PCSK5: variants seen among roughly 807,000 people sequenced by gnomAD.
The protein encoded by PCSK5 is proprotein convertase subtilisin/kexin type 5, also known as prohormone convertase 5.
PCSK5 carries 129 observed loss-of-function variants against 233.2 expected under a neutral mutation model. The observed-to-expected ratio is 0.55, with a 90% confidence interval of 0.48 to 0.64. The LOEUF (loss-of-function observed/expected upper bound fraction) is 0.64, where lower values mean the gene tolerates loss of function less well. Ranked by LOEUF, PCSK5 falls within the 30% of genes least tolerant of loss-of-function variation. The pLI, the probability that PCSK5 is intolerant of heterozygous loss-of-function variation, is 0.00. For synonymous variants in PCSK5, 825 were observed against 879.2 expected (o/e 0.94, Z 1.09); for missense variants, 2,076 against 2,430.1 (o/e 0.85, Z 3.06).
At chr9:76,290,327 C>T (rs189086189) in intron 24 of PCSK5, among the ~76,000 whole-genome samples, 77 of 152,300 alleles carry the variant, frequency 5.1e-4, no homozygotes, top group African/African-American at 1.8e-3. Flanking sequence ...TGCCAGGGAG[C>T]TTTTCTTTCC....
chr9:76,155,681 CAAAT>C (rs1211718682), intron 10 of PCSK5, among the ~76,000 whole-genome samples: 1 of 152,102 alleles, frequency 6.6e-6, no homozygotes. Flanking sequence ...GATGGATTGA[CAAAT>C]TAATTAGTTA....
chr9:76,050,712 C>G (rs1157463932), intron 5 of PCSK5, among the ~76,000 whole-genome samples: 1 of 152,182 alleles, frequency 6.6e-6, no homozygotes, highest in Non-Finnish European at 1.5e-5. Context: ...ATAAGTCTTG[C>G]AATGCCCCTG....
Position 76,351,649 on chromosome 9 carries a change from AAG to A in PCSK5, c.5067+731_5067+732del, listed in dbSNP as rs1258175602. Among the ~76,000 whole-genome samples, 97 of 97,360 alleles carry A rather than the reference AAG, an allele frequency of 1.0e-3. 1 individual carries two copies. The highest frequency in any genetic ancestry group is 2.0e-3 in the Non-Finnish European group (81 of 41,238). The allele number at this position is 97,360 out of a possible 152,430, so 63.9% of individuals were successfully genotyped here. A position where few individuals can be genotyped will look rare whatever the true frequency, so the allele number is the denominator to read the frequency against. ...AAGAAAGAGAGAGAAAGAAGAAAGA[AAG>A]AGAGAGAGAAAGAAAGAAAGAAAGA... On this transcript the variant is annotated intron_variant, in intron 36 of 37. Transcript: ENST00000674117.
chr9:75,948,084 C>A (rs971219894), intron 2 of PCSK5, among the ~76,000 whole-genome samples: 16 of 152,030 alleles, frequency 1.1e-4, no homozygotes, highest in African/African-American at 3.9e-4. Context: ...GGTCCTGAAG[C>A]AATCCTCCTG....
Position 75,937,653 on chromosome 9 carries a change from T to A in PCSK5, c.297+5170T>A, listed in dbSNP as rs1297665685. Among the ~76,000 whole-genome samples the A allele has an allele frequency of 2.6e-5, 4 of 152,392 alleles. No homozygotes were observed. The East Asian group carries it at 5.8e-4, about 22-fold the overall frequency. On this transcript the variant is annotated intron_variant, in intron 2 of 37. Coordinates refer to ENST00000674117, the MANE Select transcript of PCSK5 (RefSeq NM_001372043.1). Reference sequence around the variant, plus strand: ...TAGTGTGAAAGTCATAGGTGGCATCTTCTTTCAACAGAAGGCTGTTTTATT... The same window carrying A: ...TAGTGTGAAAGTCATAGGTGGCATCATCTTTCAACAGAAGGCTGTTTTATT...
chr9:76,220,355 TG>T (rs1188541672), intron 20 of PCSK5, among the ~76,000 whole-genome samples: 4 of 151,764 alleles, frequency 2.6e-5, no homozygotes, highest in African/African-American at 9.7e-5. Flanking sequence ...GGTGAAACCC[TG>T]TCTCTACTAA....
At chr9:76,259,098 G>A (rs1827077007) in intron 24 of PCSK5, among the ~76,000 whole-genome samples, 1 of 152,192 alleles carries the variant, frequency 6.6e-6, no homozygotes, top group Non-Finnish European at 1.5e-5. Context: ...CTTTCCTTGG[G>A]AATTCTATAA....
intron 4 of PCSK5, among the ~76,000 whole-genome samples, chr9:76,025,033 G>A (rs553081684): frequency 1.3e-5 from 2 of 152,200 alleles, no homozygotes; most frequent in Admixed American, 6.5e-5. Flanking sequence ...AAGCCTTCGT[G>A]CTCCAAAGGA....
intron 1 of PCSK5, among the ~76,000 whole-genome samples, chr9:75,915,147 A>G (rs749902939): frequency 6.6e-6 from 1 of 152,192 alleles, no homozygotes; most frequent in Non-Finnish European, 1.5e-5. Context: ...TGACTTTTCC[A>G]AGTAGGAATC....
At chr9:76,145,962 G>C (rs1194871533) in intron 10 of PCSK5, among the ~76,000 whole-genome samples, 6 of 152,130 alleles carry the variant, frequency 3.9e-5, no homozygotes, top group African/African-American at 1.4e-4. Context: ...GCACTATAAA[G>C]TGAGACTCCA....
chr9:75,976,274 CCACACACACACACACACACACA>C (rs10562995), intron 2 of PCSK5, among the ~76,000 whole-genome samples: 2,096 of 141,550 alleles, frequency 0.015, 26 homozygotes, highest in Non-Finnish European at 0.02. Context: ...CACACAGACA[CCACACACACACACACACACACA>C]CACACACACA....
In PCSK5 at chr9:76,107,366, C is replaced by T. The variant is rs200573146; in HGVS notation, c.1208+15C>T. 65 of 1,564,584 alleles carry T rather than the reference C, an allele frequency of 4.2e-5. No individual in the cohort carries two copies. In the Middle Eastern group the frequency reaches 8.4e-4, roughly 20 times the overall value. On this transcript the variant is annotated intron_variant, in intron 9 of 37. Coordinates refer to ENST00000674117, the MANE Select transcript of PCSK5 (RefSeq NM_001372043.1). ...CTGGAAGCCAAGTAAGCCTTGATCT[C>T]TATATGTCTTCAATGGTGACAACCC...
At chr9:75,950,142 T>TGGGGGGG (rs1563932278) in intron 2 of PCSK5, among the ~76,000 whole-genome samples, 3 of 98,340 alleles carry the variant, frequency 3.1e-5, no homozygotes, top group East Asian at 4.4e-4. Flanking sequence ...TGTGTGTGTG[T>TGGGGGGG]GTGGGGGGGG....
chr9:76,079,890 A>G (rs1051007303), intron 7 of PCSK5, among the ~76,000 whole-genome samples: 1 of 152,122 alleles, frequency 6.6e-6, no homozygotes, highest in Non-Finnish European at 1.5e-5. Context: ...GTTGGATTAT[A>G]TTGAAATATT....
chr9:76,318,265 A>G (rs1829087722), intron 30 of PCSK5, among the ~76,000 whole-genome samples: 1 of 152,112 alleles, frequency 6.6e-6, no homozygotes, highest in South Asian at 2.1e-4. Context: ...GAGTTGAACA[A>G]TGAGAACACA....
intron 21 of PCSK5, among the ~76,000 whole-genome samples, chr9:76,233,152 G>C (rs975224512): frequency 4.6e-5 from 7 of 152,196 alleles, no homozygotes; most frequent in African/African-American, 1.7e-4. Context: ...CTGTTGGCTG[G>C]GTTTGGTTGG....
rs778194571 is a variant in PCSK5 at position 76,323,201 on chromosome 9, G to A, written c.4252G>A (p.Glu1418Lys). The A allele has an allele frequency of 1.9e-6, 3 of 1,612,660 alleles. No individual in the cohort carries two copies. Among genetic ancestry groups the A allele is most frequent in the African/African-American group, 2.7e-5 (2 of 74,892 alleles). ...PKADDCELCL[E>K]SSWVLYDGLC... ...AGCCGACGACTGCGAGCTCTGTCTT[G>A]AGAGTTCCTGGGTCCTCTATGATGG... The change falls in exon 32 of 38, where the codon GAG becomes AAG. Residue 1418 changes from glutamate to lysine, a missense_variant. Coordinates refer to ENST00000674117, the MANE Select transcript of PCSK5 (RefSeq NM_001372043.1).
chr9:76,278,218 C>T (rs1322122083), intron 24 of PCSK5, among the ~76,000 whole-genome samples: 1 of 152,114 alleles, frequency 6.6e-6, no homozygotes, highest in Admixed American at 6.6e-5. Flanking sequence ...TATTCATTGG[C>T]CTCCTTTGCA....
At chr9:76,061,688 T>G (rs562585913) in intron 5 of PCSK5, among the ~76,000 whole-genome samples, 6 of 150,492 alleles carry the variant, frequency 4.0e-5, no homozygotes, top group African/African-American at 7.4e-5. Flanking sequence ...GATTATAGTT[T>G]ACAGTAATCT....
Sources: gnomAD v4.1 joint callset for allele counts (sites outside exome capture counted in the v4.1 genomes callset) on GRCh38, gnomAD v4.1.1 for gene constraint, MANE v1.5 for transcripts, NCBI Gene and HGNC (gene_info 2026-07-23, HGNC 2026-07-21) for gene names.